The following ARPC1B variants were observed in gnomAD, a reference collection of about 807,000 sequenced individuals.
ARPC1B encodes actin related protein 2/3 complex subunit 1B, also known as actin-related protein 2/3 complex subunit 1B.
A neutral mutation model predicts 46.0 loss-of-function variants in ARPC1B; 29 were observed. The ratio of observed to expected loss-of-function variants is 0.63; its 90% CI spans 0.47 to 0.86. The LOEUF (loss-of-function observed/expected upper bound fraction) is 0.86, where lower values mean the gene tolerates loss of function less well. Ranked by LOEUF, ARPC1B falls within the 40% of genes least tolerant of loss-of-function variation. ARPC1B has a pLI of 0.00. For synonymous variants in ARPC1B, 201 were observed against 213.9 expected, an observed-to-expected ratio of 0.94 and a Z score of 0.53; for missense variants, 469 against 529.4, an observed-to-expected ratio of 0.89 and a Z score of 1.12.
chr7:99,393,805 CGT>C (rs143301215), intron 8 of ARPC1B, among the ~76,000 whole-genome samples: 92 of 152,334 alleles, frequency 6.0e-4, no homozygotes, highest in African/African-American at 1.4e-3. Flanking sequence ...CGCAGACACA[CGT>C]GTCTTTCCTG....
upstream of ARPC1B, chr7:99,374,283 C>T (rs1021172399): frequency 6.6e-6 from 1 of 152,102 alleles, no homozygotes; most frequent in African/African-American, 2.4e-5. The surrounding 1 kb of genome is among the most constrained non-coding windows in gnomAD (Gnocchi z 5.0). Context: ...CCGGCATCAG[C>T]GTGAAGGGAG....
intron 2 of ARPC1B, chr7:99,386,291 C>A (rs1794389452): frequency 2.8e-5 from 10 of 363,548 alleles, no homozygotes; most frequent in Middle Eastern, 9.9e-4. Flanking sequence ...AAAAAGTGAC[C>A]AAGAAAAAGC....
intron 7 of ARPC1B, among the ~76,000 whole-genome samples, chr7:99,391,564 G>T (rs1178660229): frequency 1.3e-5 from 2 of 152,116 alleles, no homozygotes; most frequent in Non-Finnish European, 2.9e-5. Context: ...GGGCAACACA[G>T]TGTGAGACCC....
chr7:99,389,568 G>C, intron 4 of ARPC1B: 1 of 263,300 alleles, frequency 3.8e-6, no homozygotes, highest in Non-Finnish European at 7.5e-6. Flanking sequence ...GCAGAGGCCA[G>C]CCAGGAGCAT....
chr7:99,393,606 A>T (rs985000213), intron 8 of ARPC1B, among the ~76,000 whole-genome samples: 3 of 152,146 alleles, frequency 2.0e-5, no homozygotes, highest in Non-Finnish European at 4.4e-5. Flanking sequence ...GCGGCGAATC[A>T]GAGGGAGCGG....
At chr7:99,385,513 G>A (rs1297884673) in intron 1 of ARPC1B, among the ~76,000 whole-genome samples, 189 bp from the exon 2 acceptor site, 1 of 152,178 alleles carries the variant, frequency 6.6e-6, no homozygotes, top group East Asian at 1.9e-4. Flanking sequence ...CCCAGGAGGG[G>A]AAGCAACATG....
At chr7:99,388,363 T>G in intron 4 of ARPC1B, 102 bp downstream of exon 4, 1 of 1,187,946 alleles carries the variant, frequency 8.4e-7, no homozygotes, top group Non-Finnish European at 1.2e-6. Context: ...CCTGTTCCCA[T>G]CACCCTGGGG....
rs1431136197 is a variant in ARPC1B, at chr7:99,388,184, C to T, written c.315C>T (p.Ala105=). ...INRAARCVRW[A]PNENKFAVGS... is the part of the protein sequence containing the mutation. ...GGGCTGCCCGCTGCGTGCGCTGGGC[C>T]CCCAACGAGAACAAGTTTGCTGTGG... The change falls in exon 4 of 10, where the codon GCC becomes GCT. Residue 105 remains alanine (A), a synonymous_variant. Transcript: ENST00000646101. The T allele has an allele frequency of 1.2e-6, 2 of 1,614,126 alleles. No individual in the cohort carries two copies. Among genetic ancestry groups the T allele is most frequent in the African/African-American group, 1.3e-5 (1 of 74,952 alleles).
rs545018277 is a variant in ARPC1B, at chr7:99,378,810, T to A, written c.-14+4029T>A. On this transcript the variant is annotated intron_variant, in intron 1 of 9. Coordinates refer to ENST00000646101, the MANE Select transcript of ARPC1B (RefSeq NM_005720.4). Reference sequence around the variant, plus strand: ...TTTTTTTTTTGAGATGGAGTCTTGCTCTGTCCTCCAGGCTGGAGTGCAGTG... The same window carrying A: ...TTTTTTTTTTGAGATGGAGTCTTGCACTGTCCTCCAGGCTGGAGTGCAGTG... Among the ~76,000 whole-genome samples the A allele has an allele frequency of 1.1e-4, 14 of 126,850 alleles. 2 individuals carry two copies. The South Asian group carries it at 2.6e-3, about 23-fold the overall frequency. The allele number at this position is 126,850 out of a possible 152,430, so 83.2% of individuals were successfully genotyped here. A position where few individuals can be genotyped will look rare whatever the true frequency, so the allele number is the denominator to read the frequency against.
chr7:99,379,661 G>C (rs1400522949), intron 1 of ARPC1B, among the ~76,000 whole-genome samples: 2 of 152,190 alleles, frequency 1.3e-5, no homozygotes, highest in Non-Finnish European at 1.5e-5. Context: ...AGGGCACCCA[G>C]CCAGTATGAA....
intron 2 of ARPC1B, 70 bp from the exon 3 acceptor site, chr7:99,386,615 C>T: frequency 4.3e-6 from 5 of 1,172,184 alleles, no homozygotes; most frequent in Non-Finnish European, 6.4e-6. Flanking sequence ...CCTAGGTGCA[C>T]TGTGTAGTGT....
At position 99,392,465 on chromosome 7, in the gene ARPC1B, C is replaced by A. The variant is rs2150897625; in HGVS notation, c.784-206C>A. On this transcript the variant is annotated intron_variant, in intron 7 of 9. Transcript: ENST00000646101. ...GAAGGCGCCTGAGCTCCCAGGGAGT[C>A]CCAACGCTGGCCTTGCTGGGGGAGG... Among the ~76,000 whole-genome samples the A allele has an allele frequency of 2.0e-5, 3 of 152,324 alleles. No homozygotes were observed. The South Asian group carries it at 6.2e-4, about 32-fold the overall frequency.
Position 99,385,741 on chromosome 7 carries a change from G to A in ARPC1B, c.27G>A (p.Glu9=). The A allele has an allele frequency of 6.2e-7, 1 of 1,611,206 alleles. No homozygotes were observed. MAYHSFLV[E]PISCHAWNKD... ...TGGCCTACCACAGCTTCCTGGTGGA[G>A]CCCATCAGCTGCCACGCCTGGAACA... The change falls in exon 2 of 10, where the codon GAG becomes GAA. Residue 9 remains glutamate, a synonymous_variant. Transcript: ENST00000646101.
At chr7:99,390,086 C>G in intron 5 of ARPC1B, 74 bp downstream of exon 5, 1 of 1,355,190 alleles carries the variant, frequency 7.4e-7, no homozygotes, top group Non-Finnish European at 1.0e-6. Flanking sequence ...GGAGCCGCAC[C>G]TGAAAGCTCT....
chr7:99,386,836 T>C (rs939132544), intron 3 of ARPC1B, 47 bp downstream of exon 3: 4 of 1,483,912 alleles, frequency 2.7e-6, no homozygotes, highest in Non-Finnish European at 3.7e-6. Context: ...AGGTGGTGGG[T>C]TGGGGGGGTG....
At chr7:99,386,080 G>A (rs150507409) in intron 2 of ARPC1B, among the ~76,000 whole-genome samples, 5,056 of 152,062 alleles carry the variant, frequency 0.033, 127 homozygotes, top group Non-Finnish European at 0.047. Context: ...GTGAAACCCT[G>A]TCTCTACTAA....
At chr7:99,382,687 T>C (rs971469400) in intron 1 of ARPC1B, among the ~76,000 whole-genome samples, 1 of 152,034 alleles carries the variant, frequency 6.6e-6, no homozygotes, top group African/African-American at 2.4e-5. Flanking sequence ...TCGCCCATGC[T>C]TGTCTTGAAC....
intron 1 of ARPC1B, 146 bp from the exon 2 acceptor site, chr7:99,385,556 C>A: frequency 1.5e-6 from 1 of 672,120 alleles, no homozygotes; most frequent in Non-Finnish European, 2.5e-6. Context: ...CTGGCCCCTG[C>A]TGCTCCTCTC....
intron 9 of ARPC1B, 152 bp downstream of exon 9, chr7:99,394,271 C>A: frequency 9.4e-7 from 1 of 1,067,266 alleles, no homozygotes; most frequent in South Asian, 1.3e-5. Context: ...GACATCTGGG[C>A]CTTGGTGCTC....
Sources: allele counts gnomAD v4.1 joint callset (sites outside exome capture counted in the v4.1 genomes callset), GRCh38; gene constraint gnomAD v4.1.1; non-coding constraint Gnocchi (gnomAD v3.1); transcripts MANE v1.5; gene names NCBI Gene and HGNC (gene_info 2026-07-23, HGNC 2026-07-21).